The following MTHFD2L variants were observed in gnomAD, a reference collection of about 807,000 sequenced individuals.
MTHFD2L encodes the protein bifunctional methylenetetrahydrofolate dehydrogenase/cyclohydrolase 2, mitochondrial.
MTHFD2L carries 29 observed loss-of-function variants against 34.9 expected under a neutral mutation model. The observed-to-expected ratio is 0.83, with a 90% CI of 0.62 to 1.13. The LOEUF (loss-of-function observed/expected upper bound fraction) is 1.13, where lower values mean the gene tolerates loss of function less well. Among genes scored for constraint, MTHFD2L ranks in the 50% most tolerant of loss-of-function variants. The pLI is 0.00. For missense variants in MTHFD2L, 481 were observed against 446.5 expected, an observed-to-expected ratio of 1.08 and a Z score of -0.70; for synonymous variants, 167 against 155.7, an observed-to-expected ratio of 1.07 and a Z score of -0.54.
chr4:74,238,091 T>A (rs536736371), intron 6 of MTHFD2L, among the ~76,000 whole-genome samples: 1 of 152,324 alleles, frequency 6.6e-6, no homozygotes, highest in African/African-American at 2.4e-5. Flanking sequence ...TCAGCATATC[T>A]AATTAATACC....
intron 1 of MTHFD2L, chr4:74,143,331 A>T: frequency 1.3e-6 from 1 of 796,882 alleles, no homozygotes; most frequent in Non-Finnish European, 1.5e-6. Flanking sequence ...GGCTGGTGAC[A>T]GTGAAGGCAA....
intron 5 of MTHFD2L, among the ~76,000 whole-genome samples, chr4:74,210,230 T>C (rs1351872672): frequency 1.3e-5 from 2 of 152,190 alleles, no homozygotes; most frequent in African/African-American, 4.8e-5. Flanking sequence ...TTTGTTGCCA[T>C]TGCTTTTGAT....
intron 6 of MTHFD2L, among the ~76,000 whole-genome samples, chr4:74,264,573 A>G (rs1043010342): frequency 2.6e-5 from 4 of 151,936 alleles, no homozygotes; most frequent in Non-Finnish European, 4.4e-5. Flanking sequence ...TAGAATATAT[A>G]TCCACTTAGT....
chr4:74,131,613 C>T (rs1373797877), intron 1 of MTHFD2L, among the ~76,000 whole-genome samples: 1 of 152,138 alleles, frequency 6.6e-6, no homozygotes, highest in African/African-American at 2.4e-5. Flanking sequence ...AACATAAGGC[C>T]TAAAGCTATA....
intron 7 of MTHFD2L, among the ~76,000 whole-genome samples, chr4:74,286,773 A>C (rs1244758038): frequency 6.6e-6 from 1 of 152,166 alleles, no homozygotes; most frequent in Non-Finnish European, 1.5e-5. Context: ...TTGAGGTGGA[A>C]TAAGAACTGG....
At chr4:74,255,136 CAAAAAAAAAAAAAA>C (rs34300013) in intron 6 of MTHFD2L, among the ~76,000 whole-genome samples, 4 of 69,182 alleles carry the variant, frequency 5.8e-5, no homozygotes, top group Non-Finnish European at 9.7e-5. Context: ...ACTCCATCTC[CAAAAAAAAAAAAAA>C]AAAAAAAAAA....
At chr4:74,198,400 A>G (rs1378053092) in intron 3 of MTHFD2L, among the ~76,000 whole-genome samples, 7 of 152,180 alleles carry the variant, frequency 4.6e-5, no homozygotes, top group African/African-American at 1.7e-4. Flanking sequence ...TCAGTAGCCC[A>G]GCCCATGCAT....
At chr4:74,166,602 G>A (rs189764490) in intron 1 of MTHFD2L, among the ~76,000 whole-genome samples, 25 of 152,258 alleles carry the variant, frequency 1.6e-4, no homozygotes, top group Admixed American at 3.9e-4. Flanking sequence ...GATTAATAAT[G>A]ACCAACAACT....
At chr4:74,135,422 G>C (rs1722833701) in intron 1 of MTHFD2L, among the ~76,000 whole-genome samples, 1 of 152,016 alleles carries the variant, frequency 6.6e-6, no homozygotes, top group South Asian at 2.1e-4. Context: ...TAAATTCCTG[G>C]ACACATGCAA....
intron 1 of MTHFD2L, chr4:74,140,603 T>G (rs1026302414): frequency 1.1e-6 from 1 of 917,078 alleles, no homozygotes; most frequent in Non-Finnish European, 1.3e-6. Context: ...ATTTTATTAG[T>G]CCATTCTCAC....
intron 1 of MTHFD2L, among the ~76,000 whole-genome samples, chr4:74,171,391 T>G (rs1230153751): frequency 1.3e-5 from 2 of 152,222 alleles, no homozygotes; most frequent in Non-Finnish European, 2.9e-5. Flanking sequence ...ATATAGTGTT[T>G]GAAGGAATGC....
chr4:74,153,519 C>G (rs474734), upstream of MTHFD2L, among the ~76,000 whole-genome samples: 146,359 of 152,306 alleles, frequency 0.96, 70,588 homozygotes, highest in East Asian at 1. Flanking sequence ...TTTAATCATC[C>G]CTGATTTAAC....
chr4:74,144,335 C>T (rs995655853), intron 1 of MTHFD2L, among the ~76,000 whole-genome samples: 1 of 152,114 alleles, frequency 6.6e-6, no homozygotes, highest in African/African-American at 2.4e-5. Flanking sequence ...CGCCTGTAGT[C>T]CCAGCTGCTC....
chr4:74,212,136 AT>A (rs1235463057), intron 5 of MTHFD2L, among the ~76,000 whole-genome samples: 5 of 150,916 alleles, frequency 3.3e-5, no homozygotes, highest in Admixed American at 6.6e-5. Flanking sequence ...AAAAAATAGC[AT>A]TTTTTAATAC....
chr4:74,219,123 A>G (rs963676224), intron 5 of MTHFD2L, among the ~76,000 whole-genome samples: 3 of 152,104 alleles, frequency 2.0e-5, no homozygotes, highest in African/African-American at 7.2e-5. Context: ...TGCAAATACT[A>G]TATTATTTTA....
intron 5 of MTHFD2L, among the ~76,000 whole-genome samples, chr4:74,218,884 T>C (rs1343546046): frequency 2.0e-5 from 3 of 152,064 alleles, no homozygotes; most frequent in Non-Finnish European, 4.4e-5. Flanking sequence ...TTCTAGAAGA[T>C]AGAGTCTAAG....
chr4:74,168,986 C>T (rs1007264951), intron 1 of MTHFD2L, among the ~76,000 whole-genome samples: 2 of 152,206 alleles, frequency 1.3e-5, no homozygotes, highest in African/African-American at 4.8e-5. Context: ...ATTGGACCTG[C>T]ATTAATTTGA....
intron 6 of MTHFD2L, among the ~76,000 whole-genome samples, chr4:74,248,917 G>C (rs1366905558): frequency 6.7e-6 from 1 of 150,136 alleles, no homozygotes; most frequent in African/African-American, 2.4e-5. Flanking sequence ...GGTCAATTTT[G>C]GAATAGGTGT....
At chr4:74,245,951 C>T (rs1420122392) in intron 6 of MTHFD2L, among the ~76,000 whole-genome samples, 26 of 148,580 alleles carry the variant, frequency 1.7e-4, no homozygotes, top group Non-Finnish European at 3.4e-4. Context: ...TGTGCATGTA[C>T]CTTTATAGCA....
Sources: gnomAD v4.1 joint callset for allele counts (sites outside exome capture counted in the v4.1 genomes callset) on GRCh38, gnomAD v4.1.1 for gene constraint, MANE v1.5 for transcripts, NCBI Gene and HGNC (gene_info 2026-07-23, HGNC 2026-07-21) for gene names.